The following LDLRAD4 variants were observed in gnomAD, a reference collection of about 807,000 sequenced individuals.
LDLRAD4 encodes the protein low density lipoprotein receptor class A domain containing 4.
LDLRAD4 carries 5 observed loss-of-function variants against 17.0 expected under a neutral mutation model. The ratio of observed to expected loss-of-function variants is 0.29; its 90% CI spans 0.15 to 0.62. The LOEUF (loss-of-function observed/expected upper bound fraction) is 0.62, where lower values mean the gene tolerates loss of function less well. Ranked by LOEUF, LDLRAD4 falls within the 20% of genes least tolerant of loss-of-function variation. The probability of loss-of-function intolerance (pLI) is 0.84; values close to 1 mark genes in which losing one functional copy is unlikely to be tolerated. For missense variants in LDLRAD4, 340 were observed against 424.7 expected (o/e 0.80, Z 1.75); for synonymous variants, 168 against 171.8 (o/e 0.98, Z 0.17).
intron 3 of LDLRAD4, among the ~76,000 whole-genome samples, chr18:13,450,827 C>T (rs963478459): frequency 1.3e-5 from 2 of 152,046 alleles, no homozygotes; most frequent in African/African-American, 2.4e-5. Context: ...GGGGGAGTGT[C>T]GTGGGGAGAC....
chr18:13,304,149 TG>T (rs1436500427), intron 1 of LDLRAD4, among the ~76,000 whole-genome samples: 1 of 152,140 alleles, frequency 6.6e-6, no homozygotes, highest in Non-Finnish European at 1.5e-5. Context: ...GGCCAGGACC[TG>T]GGCGGCTTCC....
Position 13,302,865 on chromosome 18 carries a change from C to T in LDLRAD4, c.-383+24677C>T, listed in dbSNP as rs116586617. ...AGTTTTGTTATATGGAGTTATGTTA[C>T]GTGCAGTTATGTTACATGCAGTGCA... On this transcript the variant is annotated intron_variant, in intron 1 of 5. Coordinates refer to ENST00000359446, the Ensembl canonical transcript of LDLRAD4. Among the ~76,000 whole-genome samples, 984 of 152,182 alleles carry T rather than the reference C, an allele frequency of 6.5e-3. 14 individuals carry two copies. Among genetic ancestry groups the T allele is most frequent in the African/African-American group, 0.022 (933 of 41,536 alleles).
intron 1 of LDLRAD4, among the ~76,000 whole-genome samples, chr18:13,310,948 C>T (rs897571438): frequency 4.6e-5 from 7 of 152,150 alleles, no homozygotes; most frequent in African/African-American, 7.2e-5. Flanking sequence ...CTGTTACATC[C>T]GCTAGCATTT....
chr18:13,611,173 A>T lies in LDLRAD4; in HGVS notation c.182-9944A>T, dbSNP rs1250280154. On this transcript the variant is annotated intron_variant, in intron 3 of 5. Transcript: ENST00000359446. ...GCCCCAGGTGACGTGCTGGGCTGAC[A>T]GCAGGGCTGGCCGCTAACGTCACTG... 16 of 154,398 alleles carry T rather than the reference A, an allele frequency of 1.0e-4. No homozygotes were observed. The Admixed American group carries it at 1.0e-3, about 10-fold the overall frequency. The allele number at this position is 154,398 out of a possible 1,614,324, so 9.6% of individuals were successfully genotyped here.
At chr18:13,443,672 T>A (rs1351454599) in intron 3 of LDLRAD4, among the ~76,000 whole-genome samples, 1 of 151,758 alleles carries the variant, frequency 6.6e-6, no homozygotes, top group Non-Finnish European at 1.5e-5. Context: ...CCATATCTAT[T>A]TCCCCTCCCT....
chr18:13,241,835 G>A (rs2042668761), intron 1 of LDLRAD4: 1 of 152,274 alleles, frequency 6.6e-6, no homozygotes, highest in Admixed American at 6.5e-5. Flanking sequence ...CTGGAGACCG[G>A]GATTGCAAAG....
At chr18:13,634,350 G>A (rs1030257391) in intron 4 of LDLRAD4, among the ~76,000 whole-genome samples, 2 of 152,142 alleles carry the variant, frequency 1.3e-5, no homozygotes, top group African/African-American at 4.8e-5. Context: ...AAAAGTGTCA[G>A]AACTAATGAA....
At chr18:13,647,487 GTGTTTGTGTC>G (rs2043058813) in exon 6 of LDLRAD4, 1 of 151,482 alleles carries the variant, frequency 6.6e-6, no homozygotes, top group African/African-American at 2.4e-5. Flanking sequence ...CCGCGTGTGT[GTGTTTGTGTC>G]TGTCTGTGGG....
chr18:13,422,063 G>A (rs1465610496), intron 2 of LDLRAD4, among the ~76,000 whole-genome samples: 1 of 152,230 alleles, frequency 6.6e-6, no homozygotes, highest in Non-Finnish European at 1.5e-5. Flanking sequence ...TCTGTTGTGA[G>A]GGGTCAGTTA....
chr18:13,401,384 A>G (rs2087177462), intron 2 of LDLRAD4, among the ~76,000 whole-genome samples: 1 of 152,114 alleles, frequency 6.6e-6, no homozygotes, highest in Admixed American at 6.5e-5. Context: ...AAAAAAAAAA[A>G]AACTGTCCCT....
intron 3 of LDLRAD4, among the ~76,000 whole-genome samples, chr18:13,513,573 C>T (rs976530797): frequency 3.3e-5 from 5 of 152,182 alleles, no homozygotes; most frequent in African/African-American, 4.8e-5. Flanking sequence ...TATTTAGGAG[C>T]GGACAGGTCC....
At chr18:13,269,930 C>T (rs1300927050) in intron 1 of LDLRAD4, among the ~76,000 whole-genome samples, 1 of 152,188 alleles carries the variant, frequency 6.6e-6, no homozygotes, top group Non-Finnish European at 1.5e-5. Context: ...TAGCTGCCTT[C>T]ACAGCAGGCT....
intron 1 of LDLRAD4, among the ~76,000 whole-genome samples, chr18:13,364,683 C>G (rs1043528101): frequency 6.6e-6 from 1 of 152,144 alleles, no homozygotes; most frequent in Non-Finnish European, 1.5e-5. Context: ...CCATGTCATG[C>G]AAGTAGCAAA....
chr18:13,590,766 G>A (rs906462984), intron 3 of LDLRAD4, among the ~76,000 whole-genome samples: 3 of 152,226 alleles, frequency 2.0e-5, no homozygotes, highest in African/African-American at 7.2e-5. Flanking sequence ...AAAGCTTACT[G>A]ATCAATTGCA....
At chr18:13,225,449 G>C (rs1347933212) in intron 1 of LDLRAD4, among the ~76,000 whole-genome samples, 1 of 152,210 alleles carries the variant, frequency 6.6e-6, no homozygotes, top group Admixed American at 6.5e-5. Context: ...GAGCCTTTGT[G>C]GCATGGGGCT....
In LDLRAD4 at chr18:13,321,861, C is replaced by CAAAAAAAAAAAAAAAAAAA. The variant is rs57033432; in HGVS notation, c.-383+43696_-383+43714dup. Among the ~76,000 whole-genome samples the CAAAAAAAAAAAAAAAAAAA allele has an allele frequency of 5.6e-4, 35 of 62,142 alleles. 1 individual carries two copies. The highest frequency in any genetic ancestry group is 1.1e-3 in the East Asian group (1 of 920). The allele number at this position is 62,142 out of a possible 152,430, so 40.8% of individuals were successfully genotyped here. A position where few individuals can be genotyped will look rare whatever the true frequency, so the allele number is the denominator to read the frequency against. Reference sequence around the variant, plus strand: ...AGGCAACAACAGCGAGACTCCGTCTCAAAAAAAAAAAAAAAAAAAAAAAAA... The same window carrying CAAAAAAAAAAAAAAAAAAA: ...AGGCAACAACAGCGAGACTCCGTCTCAAAAAAAAAAAAAAAAAAAAAAAAAAAAAAAAAAAAAAAAAAAA... On this transcript the variant is annotated intron_variant, in intron 1 of 5. Coordinates refer to ENST00000359446, the Ensembl canonical transcript of LDLRAD4.
At chr18:13,514,619 A>T (rs1568283020) in intron 3 of LDLRAD4, 1 of 152,152 alleles carries the variant, frequency 6.6e-6, no homozygotes, top group Non-Finnish European at 1.5e-5. Flanking sequence ...AGACTATTTA[A>T]ATTCCATATT....
At chr18:13,511,882 T>C (rs2093786311) in intron 3 of LDLRAD4, among the ~76,000 whole-genome samples, 1 of 152,178 alleles carries the variant, frequency 6.6e-6, no homozygotes, top group African/African-American at 2.4e-5. Context: ...CAAATCAGAC[T>C]GTATGAGGAA....
chr18:13,646,652 A>G (rs1472588699), exon 6 of LDLRAD4: 1 of 152,654 alleles, frequency 6.6e-6, no homozygotes, highest in Non-Finnish European at 1.5e-5. Flanking sequence ...CAATTTCTTC[A>G]GTAATTTAGA....
Sources: gnomAD v4.1 joint callset for allele counts (sites outside exome capture counted in the v4.1 genomes callset) on GRCh38, gnomAD v4.1.1 for gene constraint, MANE v1.5 for transcripts, NCBI Gene and HGNC (gene_info 2026-07-23, HGNC 2026-07-21) for gene names.